ITPR2: variants seen among roughly 807,000 people sequenced by gnomAD.
The protein encoded by ITPR2 is inositol 1,4,5-trisphosphate-gated calcium channel ITPR2.
Under a neutral mutation model 317.1 loss-of-function variants are expected in ITPR2, and 207 were observed. The observed-to-expected ratio is 0.65, with a 90% CI of 0.58 to 0.73. The LOEUF (loss-of-function observed/expected upper bound fraction) is 0.73. Ranked by LOEUF, ITPR2 falls within the 30% of genes least tolerant of loss-of-function variation. The pLI is 0.00. For synonymous variants in ITPR2, 1,156 were observed against 1,149.1 expected (o/e 1.01, Z -0.12); for missense variants, 2,613 against 3,284.0 (o/e 0.80, Z 4.99).
intron 50 of ITPR2, 88 bp downstream of exon 50, chr12:26,418,961 T>TA (rs201165707): frequency 0.028 from 25,964 of 943,422 alleles, 3 homozygotes; most frequent in East Asian, 0.05. Context: ...AGGCTTTGCT[T>TA]AAAAAAAAAA....
chr12:26,442,314 T>C (rs1016134885), intron 46 of ITPR2, among the ~76,000 whole-genome samples: 1 of 152,186 alleles, frequency 6.6e-6, no homozygotes, highest in Non-Finnish European at 1.5e-5. Context: ...CCTTGGCCCT[T>C]TGTTTATATA....
chr12:26,436,023 T>C (rs1214198691), intron 48 of ITPR2, among the ~76,000 whole-genome samples, 198 bp downstream of exon 48: 18 of 152,186 alleles, frequency 1.2e-4, no homozygotes, highest in Admixed American at 6.5e-5. Context: ...CTAATAACAA[T>C]TGTGTATATG....
intron 10 of ITPR2, 111 bp from the exon 11 acceptor site, chr12:26,686,743 A>G (rs1417611534): frequency 4.2e-6 from 4 of 943,342 alleles, no homozygotes; most frequent in Non-Finnish European, 4.8e-6. Flanking sequence ...TGGATTGAAG[A>G]GGTGTCTATT....
chr12:26,435,787 A>G (rs1941336608), intron 48 of ITPR2, among the ~76,000 whole-genome samples: 1 of 152,210 alleles, frequency 6.6e-6, no homozygotes, highest in African/African-American at 2.4e-5. Flanking sequence ...TATAGAATTA[A>G]AAATTATTTC....
intron 2 of ITPR2, among the ~76,000 whole-genome samples, chr12:26,738,095 G>C (rs1159212477): frequency 6.6e-6 from 1 of 152,072 alleles, no homozygotes; most frequent in African/African-American, 2.4e-5. Flanking sequence ...AATGATAGAA[G>C]CTTTACACAG....
At chr12:26,758,734 C>T (rs1042008469) in intron 2 of ITPR2, among the ~76,000 whole-genome samples, 2 of 152,206 alleles carry the variant, frequency 1.3e-5, no homozygotes, top group Non-Finnish European at 2.9e-5. Flanking sequence ...ATACTCTTCC[C>T]TCATTGGTCT....
intron 48 of ITPR2, among the ~76,000 whole-genome samples, chr12:26,430,555 C>T (rs749539110): frequency 7.9e-5 from 12 of 152,184 alleles, no homozygotes; most frequent in Non-Finnish European, 1.6e-4. Context: ...TGAGCCACCT[C>T]GCTGAGCTGA....
At chr12:26,806,983 C>A (rs1178668325) in intron 1 of ITPR2, among the ~76,000 whole-genome samples, 4 of 151,892 alleles carry the variant, frequency 2.6e-5, no homozygotes, top group African/African-American at 9.7e-5. Flanking sequence ...TATATATGCA[C>A]TATTAGACCA....
At chr12:26,460,845 CAGCT>C (rs1363280826) in intron 45 of ITPR2, among the ~76,000 whole-genome samples, 2 of 152,164 alleles carry the variant, frequency 1.3e-5, no homozygotes, top group Admixed American at 1.3e-4. Context: ...CCTTTGCCCC[CAGCT>C]AGGGTTCTTT....
rs1387389895 is a variant in ITPR2 at position 26,790,227 on chromosome 12, C to A, written c.93G>T (p.Gly31=). Residue 31 remains glycine (G), a splice_region_variant and synonymous_variant, in exon 2 of 57, where the codon GGG becomes GGT. Coordinates refer to ENST00000381340, the MANE Select transcript of ITPR2 (RefSeq NM_002223.4). ...GSVNGFISTL[G]LVDDRCVVHP... ...GCACCACACATCTGTCATCCACTAA[C>A]CTAGAAGGAAAAGCATGTTTACATT... The A allele has an allele frequency of 1.2e-6, 2 of 1,612,586 alleles. No individual in the cohort carries two copies. Among genetic ancestry groups the A allele is most frequent in the African/African-American group, 2.7e-5 (2 of 74,904 alleles).
chr12:26,695,152 T>A (rs963716423), intron 10 of ITPR2, among the ~76,000 whole-genome samples: 7 of 152,208 alleles, frequency 4.6e-5, no homozygotes, highest in African/African-American at 1.7e-4. Context: ...CGTATCTAGA[T>A]TACGCCAAAA....
At chr12:26,689,968 T>C (rs576425325) in intron 10 of ITPR2, among the ~76,000 whole-genome samples, 3 of 152,322 alleles carry the variant, frequency 2.0e-5, no homozygotes, top group African/African-American at 2.4e-5. Flanking sequence ...CAAAGAAATA[T>C]TGGAAAAGAG....
intron 28 of ITPR2, 32 bp downstream of exon 28, chr12:26,602,338 A>T: frequency 6.4e-7 from 1 of 1,570,788 alleles, no homozygotes; most frequent in South Asian, 1.2e-5. Context: ...TCAAAATAAA[A>T]AGCTAAAGAA....
rs200490174 is a variant in ITPR2 at position 26,768,423 on chromosome 12, A to T, written c.163+21734T>A. On this transcript the variant is annotated intron_variant, in intron 2 of 56. Transcript: ENST00000381340. ...AAAACTTAAAGTATAATAAAAAAAA[A>T]TTAAAAAAAAATAAAAAATAAAAAA... Among the ~76,000 whole-genome samples the T allele has an allele frequency of 1.3e-3, 78 of 61,460 alleles. No homozygotes were observed. The East Asian group carries it at 0.017, about 13-fold the overall frequency. 40.3% of individuals were successfully genotyped at this position (61,460 alleles called of 152,430 possible). A position where few individuals can be genotyped will look rare whatever the true frequency, so the allele number is the denominator to read the frequency against.
At chr12:26,753,846 G>GA (rs914309973) in intron 2 of ITPR2, among the ~76,000 whole-genome samples, 38 of 152,022 alleles carry the variant, frequency 2.5e-4, no homozygotes, top group African/African-American at 9.2e-4. Context: ...GCAGGTCCCT[G>GA]AAAAAAATGG....
At chr12:26,721,909 A>G (rs1359699593) in intron 5 of ITPR2, among the ~76,000 whole-genome samples, 1 of 152,148 alleles carries the variant, frequency 6.6e-6, no homozygotes, top group Non-Finnish European at 1.5e-5. Context: ...CATAGTTGTC[A>G]TCAATGAGCA....
At chr12:26,365,616 G>T (rs1278162805) in intron 55 of ITPR2, among the ~76,000 whole-genome samples, 2 of 152,208 alleles carry the variant, frequency 1.3e-5, no homozygotes, top group African/African-American at 4.8e-5. Flanking sequence ...GTAGGAAAGA[G>T]AAGGTGTTTT....
chr12:26,377,971 C>G (rs1939393742), intron 55 of ITPR2, among the ~76,000 whole-genome samples: 1 of 151,990 alleles, frequency 6.6e-6, no homozygotes, highest in Non-Finnish European at 1.5e-5. Flanking sequence ...TGAAACTGTC[C>G]TTAGTGCCTT....
chr12:26,387,381 G>T, intron 55 of ITPR2, 53 bp downstream of exon 55: 2 of 1,538,928 alleles, frequency 1.3e-6, no homozygotes, highest in South Asian at 2.3e-5. Flanking sequence ...TAGAGAAGAT[G>T]AAAGCCTAAA....
Sources: allele counts gnomAD v4.1 joint callset (sites outside exome capture counted in the v4.1 genomes callset), GRCh38; gene constraint gnomAD v4.1.1; transcripts MANE v1.5; gene names NCBI Gene and HGNC (gene_info 2026-07-23, HGNC 2026-07-21).